COPS7A: variants seen among roughly 807,000 people sequenced by gnomAD.
The protein encoded by COPS7A is COP9 signalosome subunit 7A.
COPS7A carries 20 observed loss-of-function variants against 35.2 expected under a neutral mutation model. The observed-to-expected ratio is 0.57, with a 90% CI of 0.40 to 0.83. The LOEUF (loss-of-function observed/expected upper bound fraction) is 0.83, where lower values mean the gene tolerates loss of function less well. Ranked by LOEUF, COPS7A falls within the 40% of genes least tolerant of loss-of-function variation. COPS7A has a pLI of 0.00. For missense variants in COPS7A, 247 were observed against 347.5 expected, an observed-to-expected ratio of 0.71 and a Z score of 2.30; for synonymous variants, 139 against 141.4, an observed-to-expected ratio of 0.98 and a Z score of 0.12.
chr12:6,727,631 T>C (rs781102379), intron 2 of COPS7A: 1 of 543,746 alleles, frequency 1.8e-6, no homozygotes, highest in Non-Finnish European at 3.5e-6. Flanking sequence ...TGTATGTCTG[T>C]TTGACTCTGA....
chr12:6,726,820 G>C (rs1024155832), intron 2 of COPS7A, among the ~76,000 whole-genome samples: 3 of 152,030 alleles, frequency 2.0e-5, no homozygotes, highest in African/African-American at 7.2e-5. Context: ...TTATGGTCTG[G>C]GAATACAAGA....
chr12:6,728,196 T>G (rs1316858973), intron 3 of COPS7A, 27 bp from the exon 4 acceptor site: 1 of 1,605,962 alleles, frequency 6.2e-7, no homozygotes, highest in Non-Finnish European at 8.5e-7. Context: ...AAATCAGGAT[T>G]CCTTACACTT....
Position 6,727,990 on chromosome 12 carries a change from C to G in COPS7A, c.227C>G (p.Ala76Gly), listed in dbSNP as rs771384634. The G allele has an allele frequency of 6.2e-7, 1 of 1,614,140 alleles. No homozygotes were observed. The highest frequency in any genetic ancestry group is 1.1e-5 in the South Asian group (1 of 91,086). Residue 76 changes from alanine to glycine, a missense_variant, in exon 3 of 8, where the codon GCT (alanine) becomes GGT (glycine). Physicochemically the swap from Ala to Gly is moderately conservative, Grantham distance 60. Transcript: ENST00000543155. ...LLTVFAYGTY[A>G]DYLAEARNLP... ...ACAGTGTTTGCTTATGGGACATACG[C>G]TGACTACTTAGGTAACCAGAGGGGT...
Position 6,730,508 on chromosome 12 carries a change from G to T in COPS7A, c.636+1G>T, listed in dbSNP as rs979880653. The T allele has an allele frequency of 1.2e-6, 2 of 1,613,996 alleles. No homozygotes were observed. Among genetic ancestry groups the T allele is most frequent in the Non-Finnish European group, 1.7e-6 (2 of 1,180,020 alleles). ...CCTGAAGCAGCAGATTGAGAGTGAGGTGAGCAGTCAGGGGAGCAGGCAGAC... is the reference window on the plus strand; with the variant it reads ...CCTGAAGCAGCAGATTGAGAGTGAGTTGAGCAGTCAGGGGAGCAGGCAGAC... On this transcript the variant is annotated splice_donor_variant, in intron 6 of 7. Transcript: ENST00000543155. LOFTEE classifies it high-confidence loss of function.
Position 6,729,156 on chromosome 12 carries a change from G to A in COPS7A, c.328-91G>A. 7.5e-7 allele frequency: 1 copy of A among 1,333,238 alleles called. No homozygotes were observed. The highest frequency in any genetic ancestry group is 1.1e-6 in the Non-Finnish European group (1 of 932,986). The allele number at this position is 1,333,238 out of a possible 1,614,324, so 82.6% of individuals were successfully genotyped here. ...AGGAATGGGAGTGGAGGGCAGGTGG[G>A]CTAGGGCAGGGGGAAAAGGAGGGAA... On this transcript the variant is annotated intron_variant, in intron 4 of 7. Transcript: ENST00000543155. The surrounding 1 kb of genome is among the most constrained non-coding windows in gnomAD (Gnocchi z 4.2).
In COPS7A at chr12:6,730,799, A is replaced by G. The variant is rs973901065; in HGVS notation, c.767A>G (p.Lys256Arg). 1 of 1,614,208 alleles carries G rather than the reference A, an allele frequency of 6.2e-7. No individual in the cohort carries two copies. The change falls in exon 7 of 8, where the codon AAG becomes AGG. Residue 256 changes from lysine to arginine, a missense_variant. Coordinates refer to ENST00000543155, the MANE Select transcript of COPS7A (RefSeq NM_001164094.2). ...APGTNQRQPS[K>R]KASKGKGLRG... ...GGCACCAACCAGCGCCAGCCCAGCAAGAAAGCCTCAAAGGGCAAGGGGTGA... is the reference window on the plus strand; with the variant it reads ...GGCACCAACCAGCGCCAGCCCAGCAGGAAAGCCTCAAAGGGCAAGGGGTGA...
At chr12:6,726,109 T>C (rs1201406024) in intron 2 of COPS7A, 7 of 349,208 alleles carry the variant, frequency 2.0e-5, no homozygotes, top group African/African-American at 4.3e-5. Context: ...GGTCAGGAGA[T>C]GGAGACCATC....
intron 7 of COPS7A, 22 bp from the exon 8 acceptor site, chr12:6,730,968 CTCTCTCTCTT>C: frequency 6.2e-7 from 1 of 1,603,758 alleles, no homozygotes; most frequent in Non-Finnish European, 8.5e-7. Context: ...CATTCTCTCT[CTCTCTCTCTT>C]TCTCTCTCTT....
intron 1 of COPS7A, 117 bp from the exon 2 acceptor site, chr12:6,724,497 G>A: frequency 1.2e-6 from 1 of 855,962 alleles, no homozygotes; most frequent in Non-Finnish European, 1.9e-6. Flanking sequence ...ACCGCTCCAT[G>A]TCTGATTCCT....
At position 6,731,453 on chromosome 12, in the gene COPS7A, A is replaced by T. The variant is rs1941394638; in HGVS notation, c.*414A>T. 3.6e-6 allele frequency: 2 copies of T among 552,014 alleles called. No individual in the cohort carries two copies. The highest frequency in any genetic ancestry group is 1.4e-4 in the South Asian group (2 of 14,196). The allele number at this position is 552,014 out of a possible 1,614,324, so 34.2% of individuals were successfully genotyped here. On this transcript the variant is annotated 3_prime_UTR_variant, in exon 8 of 8. Coordinates refer to ENST00000543155, the MANE Select transcript of COPS7A (RefSeq NM_001164094.2). The stretch of plus-strand genomic sequence containing the variant: ...CCCCAGTTCCTATACCCTACCCCTG[A>T]CCTATTGAGCAGCCTCTGAAGAGCC...
Position 6,731,432 on chromosome 12 carries a change from A to G in COPS7A, c.*393A>G. On this transcript the variant is annotated 3_prime_UTR_variant, in exon 8 of 8. Transcript: ENST00000543155. The stretch of plus-strand genomic sequence containing the variant: ...CCCCATCCCTGCATGCCTGATCCCC[A>G]GTTCCTATACCCTACCCCTGACCTA... The G allele has an allele frequency of 2.5e-6, 2 of 787,764 alleles. No homozygotes were observed. The highest frequency in any genetic ancestry group is 3.5e-6 in the Non-Finnish European group (2 of 567,922). 48.8% of individuals were successfully genotyped at this position (787,764 alleles called of 1,614,324 possible). A position where few individuals can be genotyped will look rare whatever the true frequency, so the allele number is the denominator to read the frequency against.
In COPS7A at chr12:6,729,177, G is replaced by A; in HGVS notation, c.328-70G>A. 6.5e-7 allele frequency: 1 copy of A among 1,539,822 alleles called. No individual in the cohort carries two copies. On this transcript the variant is annotated intron_variant, in intron 4 of 7. Coordinates refer to ENST00000543155, the MANE Select transcript of COPS7A (RefSeq NM_001164094.2). The surrounding 1 kb of genome is among the most constrained non-coding windows in gnomAD (Gnocchi z 4.2). ...GTGGGCTAGGGCAGGGGGAAAAGGA[G>A]GGAAGATTTTTGGAAGCCCTTCTCT... is the stretch of plus-strand genomic sequence containing the variant.
chr12:6,728,078 C>CAGGGATCTAAG, intron 3 of COPS7A, 77 bp downstream of exon 3: 1 of 1,522,100 alleles, frequency 6.6e-7, no homozygotes, highest in Non-Finnish European at 9.1e-7. Flanking sequence ...GAAGAAATTC[C>CAGGGATCTAAG]TGGGATATCC....
At chr12:6,726,840 G>C (rs2137749646) in intron 2 of COPS7A, among the ~76,000 whole-genome samples, 1 of 152,264 alleles carries the variant, frequency 6.6e-6, no homozygotes, top group Middle Eastern at 3.4e-3. Flanking sequence ...AAAAGCACCA[G>C]GCATGGAGCT....
chr12:6,728,364 T>C (rs1470933777), intron 4 of COPS7A, 53 bp downstream of exon 4: 1 of 1,489,682 alleles, frequency 6.7e-7, no homozygotes, highest in African/African-American at 1.4e-5. Flanking sequence ...TGTATGTCCT[T>C]GGGAGTCCAC....
rs1361874255 is a variant in COPS7A at position 6,728,005 on chromosome 12, A to G, written c.238+4A>G. On this transcript the variant is annotated splice_donor_region_variant and intron_variant, in intron 3 of 7. Coordinates refer to ENST00000543155, the MANE Select transcript of COPS7A (RefSeq NM_001164094.2). ...GGGACATACGCTGACTACTTAGGTAACCAGAGGGGTTGGTGCTCTGGAGTA... is the reference window on the plus strand; with the variant it reads ...GGGACATACGCTGACTACTTAGGTAGCCAGAGGGGTTGGTGCTCTGGAGTA... 6.2e-7 allele frequency: 1 copy of G among 1,613,978 alleles called. No homozygotes were observed. Among genetic ancestry groups the G allele is most frequent in the Non-Finnish European group, 8.5e-7 (1 of 1,179,902 alleles).
At chr12:6,726,606 A>G (rs976535070) in intron 2 of COPS7A, among the ~76,000 whole-genome samples, 4 of 106,770 alleles carry the variant, frequency 3.7e-5, no homozygotes, top group African/African-American at 1.3e-4. Flanking sequence ...CTGTCTCAAA[A>G]AAAAAAATAA....
rs557118107 is a variant in COPS7A at position 6,731,597 on chromosome 12, C to G, written c.*558C>G. On this transcript the variant is annotated 3_prime_UTR_variant, in exon 8 of 8. Coordinates refer to ENST00000543155, the MANE Select transcript of COPS7A (RefSeq NM_001164094.2). ...ACACTACAGTCATTTCTTTTCCTCTCTCTGGCCCTTGGGTCCTGGGAATGC... is the reference window on the plus strand; with the variant it reads ...ACACTACAGTCATTTCTTTTCCTCTGTCTGGCCCTTGGGTCCTGGGAATGC... 1 of 158,310 alleles carries G rather than the reference C, an allele frequency of 6.3e-6. No individual in the cohort carries two copies. Among genetic ancestry groups the G allele is most frequent in the Admixed American group, 6.5e-5 (1 of 15,500 alleles). 9.8% of individuals were successfully genotyped at this position (158,310 alleles called of 1,614,324 possible).
intron 2 of COPS7A, among the ~76,000 whole-genome samples, chr12:6,726,738 G>C (rs1031091230): frequency 2.0e-5 from 3 of 150,952 alleles, no homozygotes; most frequent in Non-Finnish European, 4.4e-5. Context: ...TCCAGCCTGG[G>C]TGACAGTGTG....
Sources: gnomAD v4.1 joint callset for allele counts (sites outside exome capture counted in the v4.1 genomes callset) on GRCh38, gnomAD v4.1.1 for gene constraint, Gnocchi (gnomAD v3.1) non-coding constraint, MANE v1.5 for transcripts, NCBI Gene and HGNC (gene_info 2026-07-23, HGNC 2026-07-21) for gene names.